SLC25A21: variants seen among roughly 807,000 people sequenced by gnomAD.
The protein encoded by SLC25A21 is mitochondrial 2-oxodicarboxylate carrier.
Under a neutral mutation model 43.8 loss-of-function variants are expected in SLC25A21, and 47 were observed. The observed-to-expected ratio is 1.07, with a 90% CI of 0.85 to 1.37. SLC25A21 has a LOEUF of 1.37. Among genes scored for constraint, SLC25A21 ranks in the 40% most tolerant of loss-of-function variants. The pLI is 0.00. For missense variants in SLC25A21, 352 were observed against 350.2 expected (o/e 1.00, Z -0.04); for synonymous variants, 131 against 121.3 (o/e 1.08, Z -0.52).
intron 6 of SLC25A21, among the ~76,000 whole-genome samples, chr14:36,720,983 G>T (rs1377057260): frequency 6.6e-6 from 1 of 152,194 alleles, no homozygotes; most frequent in Non-Finnish European, 1.5e-5. Context: ...CCCTTGCTCA[G>T]TGAGCTGTGC....
chr14:36,737,802 A>T (rs1885106105), intron 3 of SLC25A21, among the ~76,000 whole-genome samples: 1 of 152,162 alleles, frequency 6.6e-6, no homozygotes. Context: ...CTGCAGTGAT[A>T]AAAAAAGAAA....
At chr14:36,977,442 C>T (rs1959903779) in intron 1 of SLC25A21, among the ~76,000 whole-genome samples, 1 of 152,122 alleles carries the variant, frequency 6.6e-6, no homozygotes, top group South Asian at 2.1e-4. Flanking sequence ...TTTCCTATAA[C>T]ATAAAACCAC....
chr14:36,852,542 T>C (rs1421282955), intron 2 of SLC25A21, among the ~76,000 whole-genome samples: 1 of 152,234 alleles, frequency 6.6e-6, no homozygotes, highest in Non-Finnish European at 1.5e-5. Context: ...TCCACTCATT[T>C]CAAGGACCAG....
intron 5 of SLC25A21, among the ~76,000 whole-genome samples, chr14:36,728,578 C>T (rs1417221451): frequency 6.6e-6 from 1 of 152,190 alleles, no homozygotes; most frequent in Non-Finnish European, 1.5e-5. Context: ...CTGGACAAGA[C>T]ATTGCTTTGT....
At chr14:36,961,504 A>G (rs1436367691) in intron 1 of SLC25A21, among the ~76,000 whole-genome samples, 1 of 152,196 alleles carries the variant, frequency 6.6e-6, no homozygotes, top group Non-Finnish European at 1.5e-5. Context: ...CTATTATACA[A>G]GACCTGGAAG....
intron 1 of SLC25A21, among the ~76,000 whole-genome samples, chr14:36,928,795 C>T (rs1287138976): frequency 6.6e-6 from 1 of 152,078 alleles, no homozygotes; most frequent in Non-Finnish European, 1.5e-5. Context: ...ATTTTCCTGG[C>T]TAAAAAATCA....
At chr14:36,898,420 G>A (rs1196918641) in intron 1 of SLC25A21, among the ~76,000 whole-genome samples, 3 of 152,122 alleles carry the variant, frequency 2.0e-5, no homozygotes, top group African/African-American at 7.2e-5. Flanking sequence ...CAATTTTCCA[G>A]GTGCCGTCTG....
chr14:36,806,604 T>C, intron 3 of SLC25A21, among the ~76,000 whole-genome samples: 1 of 152,176 alleles, frequency 6.6e-6, no homozygotes, highest in East Asian at 1.9e-4. Flanking sequence ...TAGTAGTATG[T>C]CCATGCCTGA....
chr14:36,708,751 T>G (rs960621490), intron 7 of SLC25A21, among the ~76,000 whole-genome samples: 2 of 149,120 alleles, frequency 1.3e-5, no homozygotes, highest in African/African-American at 2.5e-5. Flanking sequence ...TTAGTTTTTT[T>G]TTTTTTTTTT....
chr14:37,067,515 C>T (rs1237890128), intron 1 of SLC25A21, among the ~76,000 whole-genome samples: 4 of 152,090 alleles, frequency 2.6e-5, no homozygotes, highest in East Asian at 1.9e-4. Context: ...TTTCTATCAT[C>T]GGACCCTGAC....
At position 36,678,704 on chromosome 14, in the gene SLC25A21, T is replaced by TATC. The variant is rs1882029327; in HGVS notation, c.*1951_*1953dup. ...GAAATGCAAATAATGTTATTTTCTT[T>TATC]ATCTAAATTAAGAAATCTCTTGTTA... On this transcript the variant is annotated 3_prime_UTR_variant, in exon 10 of 10. Transcript: ENST00000331299. 2 of 1,226,572 alleles carry TATC rather than the reference T, an allele frequency of 1.6e-6. No homozygotes were observed. Among genetic ancestry groups the TATC allele is most frequent in the Admixed American group, 3.9e-5 (1 of 25,674 alleles). 76.0% of individuals were successfully genotyped at this position (1,226,572 alleles called of 1,614,324 possible). A position where few individuals can be genotyped will look rare whatever the true frequency, so the allele number is the denominator to read the frequency against.
At chr14:36,711,516 T>A (rs1166116572) in intron 6 of SLC25A21, 34 bp from the exon 7 acceptor site, 1 of 1,601,824 alleles carries the variant, frequency 6.2e-7, no homozygotes, top group Non-Finnish European at 8.5e-7. Context: ...AGAATGATCA[T>A]CTTTGGGACT....
intron 7 of SLC25A21, among the ~76,000 whole-genome samples, chr14:36,699,547 A>G (rs2415359): frequency 0.49 from 74,820 of 152,080 alleles, 19,643 homozygotes; most frequent in East Asian, 0.83. Context: ...GCTATGCCTT[A>G]CCCACAGAGG....
intron 7 of SLC25A21, among the ~76,000 whole-genome samples, chr14:36,695,940 C>G (rs1392950200): frequency 6.6e-6 from 1 of 152,204 alleles, no homozygotes; most frequent in Non-Finnish European, 1.5e-5. Flanking sequence ...ACTTCCAACA[C>G]TATGTTGAAC....
intron 6 of SLC25A21, among the ~76,000 whole-genome samples, chr14:36,716,856 T>A (rs936879738): frequency 2.0e-5 from 3 of 152,204 alleles, no homozygotes; most frequent in African/African-American, 7.2e-5. Context: ...ATTTCCTCCA[T>A]CTCTAAGGCC....
At chr14:36,802,828 T>C (rs574421375) in intron 3 of SLC25A21, among the ~76,000 whole-genome samples, 9 of 152,176 alleles carry the variant, frequency 5.9e-5, no homozygotes, top group Admixed American at 5.9e-4. Flanking sequence ...GTTTCAGGAG[T>C]TATAATTGTG....
chr14:36,749,018 T>G (rs903271752), intron 3 of SLC25A21, among the ~76,000 whole-genome samples: 4 of 152,218 alleles, frequency 2.6e-5, no homozygotes, highest in African/African-American at 9.6e-5. Context: ...AGCCTACTCT[T>G]CTGCCAATCA....
chr14:36,918,336 A>AG (rs1472274243), intron 1 of SLC25A21, among the ~76,000 whole-genome samples: 1 of 152,194 alleles, frequency 6.6e-6, no homozygotes, highest in Non-Finnish European at 1.5e-5. Flanking sequence ...ACAGTGATCA[A>AG]GGGCTGGTGT....
At chr14:36,796,012 G>A (rs899743668) in intron 3 of SLC25A21, among the ~76,000 whole-genome samples, 1 of 152,132 alleles carries the variant, frequency 6.6e-6, no homozygotes, top group Non-Finnish European at 1.5e-5. Flanking sequence ...CATGGGAAAC[G>A]TGATAAAGGA....
Sources: allele counts gnomAD v4.1 joint callset (sites outside exome capture counted in the v4.1 genomes callset), GRCh38; gene constraint gnomAD v4.1.1; transcripts MANE v1.5; gene names NCBI Gene and HGNC (gene_info 2026-07-23, HGNC 2026-07-21).